NYAP2: variants seen among roughly 807,000 people sequenced by gnomAD.
NYAP2 encodes the protein neuronal tyrosine-phosphorylated phosphoinositide-3-kinase adaptor 2.
In NYAP2, 23 loss-of-function variants were observed where a neutral mutation model predicts 50.4. The observed-to-expected ratio is 0.46, with a 90% CI of 0.33 to 0.65. NYAP2 has a LOEUF of 0.65. Among genes scored for constraint, NYAP2 ranks in the 30% least tolerant of loss-of-function variants. The probability of loss-of-function intolerance (pLI) is 0.02; values close to 1 mark genes in which losing one functional copy is unlikely to be tolerated. For synonymous variants in NYAP2, 394 were observed against 365.2 expected, an observed-to-expected ratio of 1.08 and a Z score of -0.90; for missense variants, 885 against 861.0, an observed-to-expected ratio of 1.03 and a Z score of -0.35.
intron 4 of NYAP2, among the ~76,000 whole-genome samples, chr2:225,520,230 C>G (rs1436225763): frequency 1.3e-5 from 2 of 152,068 alleles, no homozygotes; most frequent in Non-Finnish European, 2.9e-5. Flanking sequence ...GTTGCCTGTT[C>G]ACTCTGATGG....
At chr2:225,409,964 A>C (rs1290097370) in intron 3 of NYAP2, among the ~76,000 whole-genome samples, 3 of 152,098 alleles carry the variant, frequency 2.0e-5, no homozygotes, top group Non-Finnish European at 2.9e-5. Flanking sequence ...TAATAATATG[A>C]AAGATATTTT....
chr2:225,647,983 C>CATACATATGTGTGTGTGCGTATAT (rs1693663226), intron 6 of NYAP2, among the ~76,000 whole-genome samples: 1 of 151,850 alleles, frequency 6.6e-6, no homozygotes, highest in Non-Finnish European at 1.5e-5. Context: ...TGTGTGTGTG[C>CATACATATGTGTGTGTGCGTATAT]ATATGTATGT....
chr2:225,489,191 C>T lies in NYAP2; in HGVS notation c.222-24180C>T, dbSNP rs980959797. On this transcript the variant is annotated intron_variant, in intron 3 of 6. Coordinates refer to ENST00000636099, the Ensembl canonical transcript of NYAP2. Reference sequence around the variant, plus strand: ...TTTTCCCCTTTTTCTTTCTTTCTTTCTTTTATTTATTTATTTTTTTTAAGA... The same window carrying T: ...TTTTCCCCTTTTTCTTTCTTTCTTTTTTTTATTTATTTATTTTTTTTAAGA... Among the ~76,000 whole-genome samples the T allele has an allele frequency of 4.6e-5, 7 of 150,972 alleles. No homozygotes were observed. In the East Asian group the frequency reaches 1.4e-3, roughly 30 times the overall value.
exon 7 of NYAP2, chr2:225,652,901 G>C (rs568002125): frequency 1.3e-5 from 2 of 152,142 alleles, no homozygotes; most frequent in Admixed American, 6.5e-5. Flanking sequence ...TGAGGTATCT[G>C]CAAATACAAG....
intron 3 of NYAP2, among the ~76,000 whole-genome samples, chr2:225,475,048 A>C (rs1350462470): frequency 6.6e-6 from 1 of 152,332 alleles, no homozygotes; most frequent in African/African-American, 2.4e-5. Flanking sequence ...AGAAATCTTT[A>C]TTCTAATTTT....
the NYAP2 span, among the ~76,000 whole-genome samples, chr2:225,674,188 A>T: frequency 3.9e-5 from 6 of 152,086 alleles, no homozygotes; most frequent in African/African-American, 1.2e-4. Context: ...TTTGATGAGG[A>T]GACTGGGGAC....
intron 6 of NYAP2, among the ~76,000 whole-genome samples, chr2:225,649,910 T>C (rs1222822092): frequency 1.3e-5 from 2 of 152,260 alleles, no homozygotes. Flanking sequence ...AAATTAGCTC[T>C]AAGTCCAAAC....
the NYAP2 span, among the ~76,000 whole-genome samples, chr2:225,685,127 T>C: frequency 1.3e-5 from 2 of 152,192 alleles, no homozygotes; most frequent in African/African-American, 2.4e-5. Context: ...CTAAAAATGT[T>C]TTTTAGCTGT....
intron 6 of NYAP2, among the ~76,000 whole-genome samples, chr2:225,630,979 G>A (rs1380640066): frequency 2.0e-5 from 3 of 152,182 alleles, no homozygotes. Flanking sequence ...TAGCTAAAGA[G>A]ATTTAGTGGA....
At chr2:225,687,804 C>T in the NYAP2 span, among the ~76,000 whole-genome samples, 20 of 152,102 alleles carry the variant, frequency 1.3e-4, no homozygotes, top group Admixed American at 7.9e-4. Flanking sequence ...GTACCCAGTA[C>T]GTATGGACAG....
At chr2:225,437,311 C>A (rs1336207907) in intron 3 of NYAP2, among the ~76,000 whole-genome samples, 1 of 152,070 alleles carries the variant, frequency 6.6e-6, no homozygotes, top group Non-Finnish European at 1.5e-5. Flanking sequence ...GTGAAGGATA[C>A]TTTCTGCTCC....
intron 5 of NYAP2, among the ~76,000 whole-genome samples, chr2:225,599,746 T>G (rs952084344): frequency 1.3e-5 from 2 of 152,254 alleles, no homozygotes; most frequent in Non-Finnish European, 2.9e-5. Context: ...CAATTAGTGT[T>G]GAAGTTGAGA....
chr2:225,678,615 G>A, the NYAP2 span, among the ~76,000 whole-genome samples: 1 of 152,018 alleles, frequency 6.6e-6, no homozygotes, highest in Non-Finnish European at 1.5e-5. Context: ...TCTTCAATAT[G>A]CTGCATTTTA....
chr2:225,605,459 A>T (rs1692769041), intron 5 of NYAP2, among the ~76,000 whole-genome samples: 1 of 152,092 alleles, frequency 6.6e-6, no homozygotes, highest in Admixed American at 6.6e-5. Flanking sequence ...TTGTCAGTTG[A>T]TGTAAGAGTT....
At chr2:225,538,169 G>C (rs2106201480) in intron 4 of NYAP2, among the ~76,000 whole-genome samples, 1 of 152,296 alleles carries the variant, frequency 6.6e-6, no homozygotes, top group Admixed American at 6.5e-5. Context: ...AAAGCTGTCA[G>C]TGAATCTACC....
intron 4 of NYAP2, among the ~76,000 whole-genome samples, chr2:225,561,502 G>T (rs892990684): frequency 6.6e-6 from 1 of 152,032 alleles, no homozygotes; most frequent in Non-Finnish European, 1.5e-5. Flanking sequence ...CATATTTTGA[G>T]GCCATTCATT....
intron 2 of NYAP2, among the ~76,000 whole-genome samples, chr2:225,401,709 A>C (rs896079279): frequency 1.3e-5 from 2 of 152,000 alleles, no homozygotes; most frequent in African/African-American, 4.8e-5. Context: ...TAATTTTTCC[A>C]ACTACTCAGC....
intron 6 of NYAP2, among the ~76,000 whole-genome samples, chr2:225,640,710 C>T (rs888562595): frequency 3.3e-5 from 5 of 152,080 alleles, no homozygotes; most frequent in African/African-American, 7.2e-5. Flanking sequence ...AGGCTACTTA[C>T]GGGTTTTAAA....
At chr2:225,483,261 A>G (rs1690236270) in intron 3 of NYAP2, among the ~76,000 whole-genome samples, 1 of 152,184 alleles carries the variant, frequency 6.6e-6, no homozygotes, top group Non-Finnish European at 1.5e-5. Flanking sequence ...GGTAATAGGC[A>G]GGTTCATGAT....
Sources: gnomAD v4.1 joint callset for allele counts (sites outside exome capture counted in the v4.1 genomes callset) on GRCh38, gnomAD v4.1.1 for gene constraint, MANE v1.5 for transcripts, NCBI Gene and HGNC (gene_info 2026-07-23, HGNC 2026-07-21) for gene names.